RBFOX1: variants seen among roughly 807,000 people sequenced by gnomAD.
RBFOX1 encodes RNA binding fox-1 homolog 1, also known as RNA binding protein fox-1 homolog 1.
A neutral mutation model predicts 57.7 loss-of-function variants in RBFOX1; 8 were observed. The ratio of observed to expected loss-of-function variants is 0.14; its 90% confidence interval spans 0.08 to 0.25. RBFOX1 has a LOEUF of 0.25. Ranked by LOEUF, RBFOX1 falls within the 10% of genes least tolerant of loss-of-function variation. The pLI, the probability that RBFOX1 is intolerant of heterozygous loss-of-function variation, is 1.00. For synonymous variants in RBFOX1, 326 were observed against 222.4 expected (o/e 1.47, Z -4.15); for missense variants, 611 against 548.5 (o/e 1.11, Z -1.14).
intron 3 of RBFOX1, among the ~76,000 whole-genome samples, chr16:5,865,250 G>A (rs139099300): frequency 7.9e-5 from 12 of 152,220 alleles, no homozygotes; most frequent in East Asian, 1.9e-4. Context: ...ACACATTCAC[G>A]TGAGATAATG....
At chr16:6,865,536 G>A (rs1485355198) in intron 3 of RBFOX1, among the ~76,000 whole-genome samples, 1 of 152,044 alleles carries the variant, frequency 6.6e-6, no homozygotes, top group Non-Finnish European at 1.5e-5. Flanking sequence ...TATGCTGCAG[G>A]AATTGTATCA....
intron 4 of RBFOX1, among the ~76,000 whole-genome samples, chr16:7,481,495 G>A (rs2063927413): frequency 6.6e-6 from 1 of 152,154 alleles, no homozygotes; most frequent in Admixed American, 6.5e-5. Context: ...GAGTTAGCAA[G>A]AATCTATCAT....
At chr16:6,989,599 T>C (rs896106073) in intron 3 of RBFOX1, among the ~76,000 whole-genome samples, 1 of 152,090 alleles carries the variant, frequency 6.6e-6, no homozygotes, top group Non-Finnish European at 1.5e-5. Context: ...AATGCAACCA[T>C]TTAAGAGTGG....
chr16:5,503,896 C>T (rs2043287456), intron 2 of RBFOX1, among the ~76,000 whole-genome samples: 1 of 152,224 alleles, frequency 6.6e-6, no homozygotes, highest in Non-Finnish European at 1.5e-5. Context: ...CACTCATCTA[C>T]TTTCTATCTC....
At chr16:7,644,266 G>GT (rs983909938) in intron 11 of RBFOX1, among the ~76,000 whole-genome samples, 4 of 152,142 alleles carry the variant, frequency 2.6e-5, no homozygotes, top group Admixed American at 1.3e-4. Context: ...GGTTCATATG[G>GT]TTTTGTGAGG....
intron 4 of RBFOX1, among the ~76,000 whole-genome samples, chr16:7,138,311 G>C (rs1299407228): frequency 6.6e-6 from 1 of 152,184 alleles, no homozygotes; most frequent in East Asian, 1.9e-4. Flanking sequence ...TCAGCAACAT[G>C]ACTCATTAAA....
At chr16:6,221,475 C>G (rs2097372894) in intron 1 of RBFOX1, among the ~76,000 whole-genome samples, 1 of 152,174 alleles carries the variant, frequency 6.6e-6, no homozygotes, top group Non-Finnish European at 1.5e-5. Flanking sequence ...AAACAAAAGC[C>G]ACATATTTCC....
chr16:6,252,124 C>T (rs1438726875), intron 1 of RBFOX1, among the ~76,000 whole-genome samples: 1 of 152,086 alleles, frequency 6.6e-6, no homozygotes, highest in Admixed American at 6.6e-5. Flanking sequence ...ACAGTCCAGT[C>T]CTCCACATGG....
intron 4 of RBFOX1, among the ~76,000 whole-genome samples, chr16:7,334,028 C>A (rs2096739879): frequency 1.3e-5 from 2 of 152,064 alleles, no homozygotes; most frequent in African/African-American, 4.8e-5. Flanking sequence ...CCTGTGCCTC[C>A]CTCTGTCCCC....
intron 4 of RBFOX1, among the ~76,000 whole-genome samples, chr16:7,390,703 C>G (rs2097991930): frequency 6.6e-6 from 1 of 152,038 alleles, no homozygotes; most frequent in African/African-American, 2.4e-5. Flanking sequence ...TGTCTCTTTA[C>G]AGAGGAATTA....
intron 3 of RBFOX1, among the ~76,000 whole-genome samples, chr16:7,047,422 A>C (rs1391422079): frequency 6.6e-6 from 1 of 152,090 alleles, no homozygotes; most frequent in African/African-American, 2.4e-5. Flanking sequence ...TTAAATCCAT[A>C]GTTCTTTGAA....
intron 4 of RBFOX1, among the ~76,000 whole-genome samples, chr16:7,091,730 T>A (rs1287753561): frequency 6.6e-6 from 1 of 152,182 alleles, no homozygotes; most frequent in Non-Finnish European, 1.5e-5. Context: ...TGGGGGAGCC[T>A]CCTCTGAATT....
chr16:6,357,339 G>T (rs534435317), intron 2 of RBFOX1, among the ~76,000 whole-genome samples: 4 of 152,126 alleles, frequency 2.6e-5, no homozygotes, highest in African/African-American at 9.6e-5. Context: ...GAAGTTAGTG[G>T]CTAATTCAGC....
intron 2 of RBFOX1, among the ~76,000 whole-genome samples, chr16:6,491,904 A>T (rs538097560): frequency 6.6e-6 from 1 of 152,194 alleles, no homozygotes; most frequent in South Asian, 2.1e-4. Context: ...TTATGTAGCT[A>T]TAGGAAGTTC....
intron 1 of RBFOX1, among the ~76,000 whole-genome samples, chr16:6,278,158 G>T (rs938666815): frequency 1.2e-4 from 18 of 151,924 alleles, no homozygotes; most frequent in African/African-American, 4.4e-4. Flanking sequence ...CATAAAGAGG[G>T]GCAGTAAATG....
intron 3 of RBFOX1, among the ~76,000 whole-genome samples, chr16:6,918,805 A>G (rs773150218): frequency 2.0e-5 from 3 of 152,150 alleles, no homozygotes; most frequent in Non-Finnish European, 4.4e-5. Flanking sequence ...AGCATTGAGC[A>G]GAAGCGCACT....
intron 4 of RBFOX1, among the ~76,000 whole-genome samples, chr16:5,930,924 A>T (rs1376378042): frequency 5.7e-5 from 1 of 17,422 alleles, no homozygotes; most frequent in Non-Finnish European, 1.1e-4. Context: ...ATGGTTGGGT[A>T]GGTGGGAGGA....
chr16:7,155,281 C>G (rs1484348373), intron 4 of RBFOX1, among the ~76,000 whole-genome samples: 1 of 151,944 alleles, frequency 6.6e-6, no homozygotes, highest in Admixed American at 6.6e-5. Flanking sequence ...AATAGCAAGT[C>G]TTGAGAAAGG....
chr16:6,117,513 C>T (rs917942971), intron 1 of RBFOX1, among the ~76,000 whole-genome samples: 1 of 152,198 alleles, frequency 6.6e-6, no homozygotes, highest in Non-Finnish European at 1.5e-5. Context: ...CAGAATGGCT[C>T]CTCCCTCATA....
Sources: gnomAD v4.1 joint callset for allele counts (sites outside exome capture counted in the v4.1 genomes callset) on GRCh38, gnomAD v4.1.1 for gene constraint, MANE v1.5 for transcripts, NCBI Gene and HGNC (gene_info 2026-07-23, HGNC 2026-07-21) for gene names.